The following KCNK2 variants were observed in gnomAD, a reference collection of about 807,000 sequenced individuals.
KCNK2 encodes the protein potassium two pore domain channel subfamily K member 2, also known as potassium channel subfamily K member 2.
Under a neutral mutation model 40.5 loss-of-function variants are expected in KCNK2, and 21 were observed. The observed-to-expected ratio is 0.52, with a 90% CI of 0.37 to 0.75. The LOEUF is 0.75. Ranked by LOEUF, KCNK2 falls within the 30% of genes least tolerant of loss-of-function variation. The probability of loss-of-function intolerance (pLI) is 0.00; values close to 1 mark genes in which losing one functional copy is unlikely to be tolerated. For synonymous variants in KCNK2, 191 were observed against 202.2 expected (o/e 0.94, Z 0.47); for missense variants, 399 against 531.6 (o/e 0.75, Z 2.45).
At chr1:215,046,232 T>TA (rs1657762800) in intron 1 of KCNK2, among the ~76,000 whole-genome samples, 1 of 152,112 alleles carries the variant, frequency 6.6e-6, no homozygotes, top group Non-Finnish European at 1.5e-5. Flanking sequence ...ATTTGAGAAA[T>TA]ACAGCAGCTC....
At position 215,134,011 on chromosome 1, in the gene KCNK2, C is replaced by A. The variant is rs971099453; in HGVS notation, c.475+9261C>A. ...TTTGGTTGGTGTGTCCTACCTCTCC[C>A]CTCTAGGCGTAAATATCCCTTATTG... On this transcript the variant is annotated intron_variant, in intron 3 of 6. Transcript: ENST00000444842. Among the ~76,000 whole-genome samples, 14 of 152,208 alleles carry A rather than the reference C, an allele frequency of 9.2e-5. No individual in the cohort carries two copies. In the South Asian group the frequency reaches 2.7e-3, roughly 29 times the overall value.
chr1:215,021,121 G>A (rs1321867173), intron 1 of KCNK2, among the ~76,000 whole-genome samples: 1 of 152,108 alleles, frequency 6.6e-6, no homozygotes, highest in African/African-American at 2.4e-5. Context: ...TTTCATCTAT[G>A]TTTAGACAGT....
intron 6 of KCNK2, among the ~76,000 whole-genome samples, chr1:215,218,420 C>T (rs775377364): frequency 6.6e-6 from 1 of 152,138 alleles, no homozygotes; most frequent in African/African-American, 2.4e-5. Flanking sequence ...TATCGCTACC[C>T]GACTATGTCC....
chr1:215,137,414 C>A (rs1438446731), intron 3 of KCNK2, among the ~76,000 whole-genome samples: 1 of 152,168 alleles, frequency 6.6e-6, no homozygotes, highest in African/African-American at 2.4e-5. Context: ...TTGACTTTGG[C>A]TGCCTTCATG....
intron 1 of KCNK2, among the ~76,000 whole-genome samples, chr1:215,009,335 G>A (rs1656294671): frequency 6.6e-6 from 1 of 152,104 alleles, no homozygotes; most frequent in African/African-American, 2.4e-5. Context: ...CAATCTAGCT[G>A]TTAGATTTGC....
intron 6 of KCNK2, among the ~76,000 whole-genome samples, chr1:215,196,983 G>A (rs1664891919): frequency 1.3e-5 from 2 of 151,990 alleles, no homozygotes; most frequent in African/African-American, 2.4e-5. Flanking sequence ...ATTGTTTTGC[G>A]ATACACAAAT....
rs899561930 is a variant in KCNK2 at position 215,218,160 on chromosome 1, T to C, written c.964-16668T>C. ...TTAATGCAGTCACAGTATAGGATAA[T>C]AGGGGAAATAGAGTAAAACAGCTGG... On this transcript the variant is annotated intron_variant, in intron 6 of 6. Coordinates refer to ENST00000444842, the MANE Select transcript of KCNK2 (RefSeq NM_001017425.3). Among the ~76,000 whole-genome samples, 7 of 152,148 alleles carry C rather than the reference T, an allele frequency of 4.6e-5. No homozygotes were observed. The Middle Eastern group carries it at 0.014, about 296-fold the overall frequency.
At chr1:215,040,989 C>T (rs1657543510) in intron 1 of KCNK2, among the ~76,000 whole-genome samples, 1 of 152,154 alleles carries the variant, frequency 6.6e-6, no homozygotes, top group Non-Finnish European at 1.5e-5. Context: ...CATGAGACCT[C>T]AGACTCAAGG....
At chr1:215,138,660 G>A (rs1662035924) in intron 3 of KCNK2, among the ~76,000 whole-genome samples, 1 of 152,098 alleles carries the variant, frequency 6.6e-6, no homozygotes, top group South Asian at 2.1e-4. Flanking sequence ...ACTCCAACCT[G>A]GGCAACAGCG....
intron 2 of KCNK2, among the ~76,000 whole-genome samples, chr1:215,109,656 T>C (rs1266753051): frequency 6.6e-6 from 1 of 152,112 alleles, no homozygotes; most frequent in Non-Finnish European, 1.5e-5. Context: ...ATATTTTTGC[T>C]GTTGGAAATT....
chr1:215,117,764 C>A (rs1661011824), intron 2 of KCNK2, among the ~76,000 whole-genome samples: 1 of 152,092 alleles, frequency 6.6e-6, no homozygotes, highest in East Asian at 1.9e-4. Context: ...TAGTGGCACT[C>A]GACAGGAATA....
intron 6 of KCNK2, among the ~76,000 whole-genome samples, chr1:215,209,476 T>TTATATATAATATAATATAATATATATTA (rs370130203): frequency 2.3e-5 from 1 of 43,194 alleles, no homozygotes; most frequent in Non-Finnish European, 4.2e-5. Flanking sequence ...ATAATATATA[T>TTATATATAATATAATATAATATATATTA]TATATATAAT....
At chr1:215,232,216 T>G (rs1188629192) in intron 6 of KCNK2, among the ~76,000 whole-genome samples, 4 of 152,196 alleles carry the variant, frequency 2.6e-5, no homozygotes, top group Admixed American at 6.5e-5. Flanking sequence ...GGGGAATGAT[T>G]AAATCATGCC....
At position 215,232,001 on chromosome 1, in the gene KCNK2, C is replaced by T. The variant is rs1033251136; in HGVS notation, c.964-2827C>T. ...CTCCCACCAGGTCCCTCCCATGACA[C>T]ATGGGAATTATAGGAACTACAATTC... On this transcript the variant is annotated intron_variant, in intron 6 of 6. Transcript: ENST00000444842. Among the ~76,000 whole-genome samples, 6 of 152,146 alleles carry T rather than the reference C, an allele frequency of 3.9e-5. No individual in the cohort carries two copies. The South Asian group carries it at 8.3e-4, about 21-fold the overall frequency.
chr1:215,083,237 C>CCCCCCCTT lies in KCNK2; in HGVS notation c.-149_-148insCCCCCCTT. The CCCCCCCTT allele has an allele frequency of 6.2e-7, 1 of 1,600,594 alleles. No homozygotes were observed. The highest frequency in any genetic ancestry group is 8.5e-7 in the Non-Finnish European group (1 of 1,172,048). On this transcript the variant is annotated 5_prime_UTR_variant, in exon 1 of 7. Coordinates refer to ENST00000444842, the MANE Select transcript of KCNK2 (RefSeq NM_001017425.3). Reference sequence around the variant, plus strand: ...CCGCGTCCAGCCCCGCTCTCCCCACCTTGTAAAACAAAGCCGGGGAAAATG... The same window carrying CCCCCCCTT: ...CCGCGTCCAGCCCCGCTCTCCCCACCCCCCCCTTTTGTAAAACAAAGCCGGGGAAAATG...
intron 1 of KCNK2, among the ~76,000 whole-genome samples, chr1:215,041,575 T>C (rs72731086): frequency 0.011 from 1,682 of 152,338 alleles, 13 homozygotes; most frequent in South Asian, 0.018. Flanking sequence ...GAAAATCATA[T>C]GTAGTCAGAT....
At chr1:215,054,441 G>A (rs2102501959) in intron 1 of KCNK2, among the ~76,000 whole-genome samples, 1 of 152,296 alleles carries the variant, frequency 6.6e-6, no homozygotes, top group South Asian at 2.1e-4. Flanking sequence ...TTCATCACAT[G>A]AGTATAAAAG....
chr1:215,158,308 C>A (rs931409267), intron 3 of KCNK2, among the ~76,000 whole-genome samples: 1 of 152,126 alleles, frequency 6.6e-6, no homozygotes, highest in African/African-American at 2.4e-5. Flanking sequence ...ATCTAGAATT[C>A]TCTTTGGATT....
At chr1:215,224,736 G>A (rs1267720032) in intron 6 of KCNK2, among the ~76,000 whole-genome samples, 1 of 152,066 alleles carries the variant, frequency 6.6e-6, no homozygotes, top group Non-Finnish European at 1.5e-5. Context: ...TATCACACTC[G>A]TGTGTGTAGT....
Sources: allele counts gnomAD v4.1 joint callset (sites outside exome capture counted in the v4.1 genomes callset), GRCh38; gene constraint gnomAD v4.1.1; transcripts MANE v1.5; gene names NCBI Gene and HGNC (gene_info 2026-07-23, HGNC 2026-07-21).